Variants in RIN2 observed in about 807,000 individuals in gnomAD.
RIN2 encodes the protein Ras and Rab interactor 2.
Under a neutral mutation model 78.0 loss-of-function variants are expected in RIN2, and 36 were observed. The ratio of observed to expected loss-of-function variants is 0.46; its 90% CI spans 0.35 to 0.61. RIN2 has a LOEUF of 0.61. Among genes scored for constraint, RIN2 ranks in the 20% least tolerant of loss-of-function variants. The pLI is 0.00. For synonymous variants in RIN2, 466 were observed against 466.8 expected (o/e 1.00, Z 0.02); for missense variants, 1,087 against 1,159.7 (o/e 0.94, Z 0.91).
intron 1 of RIN2, among the ~76,000 whole-genome samples, chr20:19,780,670 C>A (rs951154682): frequency 2.0e-5 from 3 of 152,184 alleles, no homozygotes; most frequent in African/African-American, 7.2e-5. Context: ...AACACATGTT[C>A]TGGAGCTAGG....
intron 2 of RIN2, among the ~76,000 whole-genome samples, chr20:19,800,496 G>T (rs1402248350): frequency 6.6e-6 from 1 of 152,212 alleles, no homozygotes; most frequent in Non-Finnish European, 1.5e-5. Context: ...ATTAGCAAAG[G>T]TGACGGGGCT....
chr20:19,824,889 A>T (rs1179108142), intron 2 of RIN2, among the ~76,000 whole-genome samples: 3 of 152,052 alleles, frequency 2.0e-5, no homozygotes, highest in Non-Finnish European at 4.4e-5. Flanking sequence ...ATCCACCCAG[A>T]TCTCCTCCTC....
intron 2 of RIN2, among the ~76,000 whole-genome samples, chr20:19,879,202 G>T (rs968306218): frequency 6.6e-6 from 1 of 152,218 alleles, no homozygotes; most frequent in Non-Finnish European, 1.5e-5. Context: ...AACTTCTGAG[G>T]CACAATTGCT....
At chr20:19,824,057 C>T (rs1168475359) in intron 2 of RIN2, 3 of 652,096 alleles carry the variant, frequency 4.6e-6, no homozygotes, top group Non-Finnish European at 8.0e-6. Flanking sequence ...TTCTATGGCC[C>T]CCCAGGGACT....
rs1234020575 is a variant in RIN2, at chr20:19,866,268, T to A, written c.-36-23298T>A. On this transcript the variant is annotated intron_variant, in intron 2 of 12. Coordinates refer to ENST00000255006, the MANE Select transcript of RIN2 (RefSeq NM_018993.4). ...CTGACAGGAGGCAGAGCTCAGGTGA[T>A]AATATGAGCAATGGGGAGTGGCTGT... 5.3e-5 allele frequency among the ~76,000 whole-genome samples: 8 copies of A among 152,230 alleles called. No individual in the cohort carries two copies. The South Asian group carries it at 1.2e-3, about 24-fold the overall frequency.
chr20:19,920,678 C>T (rs1173860577), intron 3 of RIN2, among the ~76,000 whole-genome samples: 3 of 152,252 alleles, frequency 2.0e-5, no homozygotes, highest in South Asian at 2.1e-4. Context: ...CTTTTGTTTT[C>T]GTTTTTGTTT....
chr20:19,844,601 C>CTCCCCT (rs1208033131), intron 2 of RIN2, among the ~76,000 whole-genome samples: 1 of 123,022 alleles, frequency 8.1e-6, no homozygotes, highest in East Asian at 2.3e-4. Context: ...CTGCTTCTTC[C>CTCCCCT]TCTTCTTCTT....
chr20:19,783,578 C>T (rs780763573), intron 1 of RIN2, among the ~76,000 whole-genome samples: 1 of 151,572 alleles, frequency 6.6e-6, no homozygotes, highest in Non-Finnish European at 1.5e-5. Context: ...GAATTCCTCC[C>T]GAAGCCGGCT....
At chr20:19,956,592 C>G in intron 4 of RIN2, 23 bp from the exon 5 acceptor site, 1 of 1,607,814 alleles carries the variant, frequency 6.2e-7, no homozygotes, top group Non-Finnish European at 8.5e-7. Flanking sequence ...GCCAGCTGAC[C>G]GTGCCGCTTC....
At chr20:19,833,843 T>G (rs965535719) in intron 2 of RIN2, among the ~76,000 whole-genome samples, 1 of 152,148 alleles carries the variant, frequency 6.6e-6, no homozygotes, top group Admixed American at 6.5e-5. Context: ...CTCGCCCCAG[T>G]GCAGGACCAA....
intron 7 of RIN2, among the ~76,000 whole-genome samples, chr20:19,969,482 C>T (rs775702157): frequency 2.6e-5 from 4 of 152,182 alleles, no homozygotes; most frequent in South Asian, 2.1e-4. Context: ...TGCCTGCTCA[C>T]GAAGACTTGT....
chr20:19,974,941 T>TGCCCC lies in RIN2; in HGVS notation c.916_917insGCCCC (p.Ser306CysfsTer43). 1.1e-5 allele frequency: 18 copies of TGCCCC among 1,571,184 alleles called. No individual in the cohort carries two copies. The highest frequency in any genetic ancestry group is 1.6e-5 in the Non-Finnish European group (18 of 1,144,010). On this transcript the variant is annotated frameshift_variant, in exon 9 of 13. Transcript: ENST00000255006. LOFTEE classifies it high-confidence loss of function. Reference sequence around the variant, plus strand: ...CGCGAATGGCACGGAGCGGACTCGGTCCCCCCCACCCAGGCCCCCGCCACC... The same window carrying TGCCCC: ...CGCGAATGGCACGGAGCGGACTCGGTGCCCCCCCCCCCACCCAGGCCCCCGCCACC...
At chr20:19,955,447 C>T (rs1221238291) in intron 4 of RIN2, among the ~76,000 whole-genome samples, 17 of 152,138 alleles carry the variant, frequency 1.1e-4, no homozygotes, top group Non-Finnish European at 7.3e-5. Flanking sequence ...AGCCATCCTC[C>T]CACCTCAGCC....
intron 3 of RIN2, among the ~76,000 whole-genome samples, chr20:19,919,004 G>A (rs1377359458): frequency 2.0e-5 from 3 of 152,218 alleles, no homozygotes; most frequent in Non-Finnish European, 4.4e-5. Context: ...TTCTCTGAAG[G>A]CTGGGAGGCT....
intron 2 of RIN2, among the ~76,000 whole-genome samples, chr20:19,821,728 G>C (rs1480857780): frequency 6.6e-6 from 1 of 152,012 alleles, no homozygotes; most frequent in Non-Finnish European, 1.5e-5. Context: ...CAACTCAGAG[G>C]CTACTTTTTC....
intron 2 of RIN2, among the ~76,000 whole-genome samples, chr20:19,881,203 A>C (rs149059762): frequency 1.3e-3 from 198 of 152,336 alleles, no homozygotes; most frequent in African/African-American, 4.6e-3. Flanking sequence ...TGATTGTTAA[A>C]ATTTCATGAA....
intron 4 of RIN2, among the ~76,000 whole-genome samples, chr20:19,951,139 A>G (rs2041301025): frequency 6.6e-6 from 1 of 151,952 alleles, no homozygotes; most frequent in South Asian, 2.1e-4. Flanking sequence ...AGCGATCCAT[A>G]CACCTTGCCC....
intron 2 of RIN2, among the ~76,000 whole-genome samples, chr20:19,862,452 G>T (rs182610154): frequency 6.6e-6 from 1 of 152,120 alleles, no homozygotes; most frequent in South Asian, 2.1e-4. Flanking sequence ...AATTAGTCGG[G>T]CGTGGTGGCA....
intron 1 of RIN2, among the ~76,000 whole-genome samples, chr20:19,759,454 TCC>T (rs1392083224): frequency 2.0e-4 from 31 of 152,174 alleles, no homozygotes; most frequent in Non-Finnish European, 4.1e-4. Context: ...AGGGCAGCAC[TCC>T]ATCATTAAGA....
Sources: gnomAD v4.1 joint callset for allele counts (sites outside exome capture counted in the v4.1 genomes callset) on GRCh38, gnomAD v4.1.1 for gene constraint, MANE v1.5 for transcripts, NCBI Gene and HGNC (gene_info 2026-07-23, HGNC 2026-07-21) for gene names.